DNAH10: variants seen among roughly 807,000 people sequenced by gnomAD.
DNAH10 encodes the protein dynein axonemal heavy chain 10.
DNAH10 carries 348 observed loss-of-function variants against 506.6 expected under a neutral mutation model. The observed-to-expected ratio is 0.69, with a 90% CI of 0.63 to 0.75. The LOEUF (loss-of-function observed/expected upper bound fraction) is 0.75. DNAH10 is among the 30% of genes least tolerant of loss of function. DNAH10 has a pLI of 0.00. For missense variants in DNAH10, 5,179 were observed against 5,787.1 expected (o/e 0.89, Z 3.41); for synonymous variants, 2,059 against 2,198.6 (o/e 0.94, Z 1.78).
At chr12:123,841,568 G>A in intron 30 of DNAH10, 23 bp downstream of exon 30, 3 of 1,599,942 alleles carry the variant, frequency 1.9e-6, no homozygotes, top group Non-Finnish European at 2.6e-6. Flanking sequence ...ATGTGGACAT[G>A]CATTGCTCTA....
intron 64 of DNAH10, among the ~76,000 whole-genome samples, chr12:123,918,170 G>C (rs557657920): frequency 1.1e-4 from 17 of 152,340 alleles, no homozygotes; most frequent in African/African-American, 3.8e-4. Context: ...TTTCTGGGCT[G>C]GGCCTTCTAC....
At position 123,867,957 on chromosome 12, in the gene DNAH10, C is replaced by T. The variant is rs754025173; in HGVS notation, c.7357C>T (p.Leu2453Phe). 1.2e-6 allele frequency: 2 copies of T among 1,613,894 alleles called. No individual in the cohort carries two copies. The highest frequency in any genetic ancestry group is 1.7e-6 in the Non-Finnish European group (2 of 1,179,858). Residue 2453 changes from leucine to phenylalanine, a missense_variant, in exon 43 of 79, where the codon CTT (leucine) becomes TTT (phenylalanine). By Grantham distance (22) the Leu-to-Phe change is conservative. Coordinates refer to ENST00000673944, the MANE Select transcript of DNAH10 (RefSeq NM_001372106.1). ...DALLEGEIED[L>F]DLLECYFLEA... is the part of the protein sequence containing the mutation. Reference sequence around the variant, plus strand: ...GTTGCTAGAAGGAGAAATAGAAGACCTTGACCTGCTGGAGTGCTACTTCCT... The same window carrying T: ...GTTGCTAGAAGGAGAAATAGAAGACTTTGACCTGCTGGAGTGCTACTTCCT...
intron 34 of DNAH10, among the ~76,000 whole-genome samples, chr12:123,849,301 TAAC>T (rs1186410909): frequency 1.3e-5 from 2 of 152,226 alleles, no homozygotes; most frequent in African/African-American, 4.8e-5. Flanking sequence ...TACGGCATCA[TAAC>T]AAGCAGGATT....
At chr12:123,847,220 A>ATCTATCTATCTG (rs1204638114) in intron 32 of DNAH10, among the ~76,000 whole-genome samples, 2 of 37,050 alleles carry the variant, frequency 5.4e-5, no homozygotes. Context: ...CCATCCTATT[A>ATCTATCTATCTG]TCTATCTATC....
chr12:123,934,695 C>T lies in DNAH10; in HGVS notation c.13552C>T (p.Pro4518Ser). 6.2e-7 allele frequency: 1 copy of T among 1,613,826 alleles called. No individual in the cohort carries two copies. Among genetic ancestry groups the T allele is most frequent in the Non-Finnish European group, 8.5e-7 (1 of 1,179,826 alleles). ...AAAAGGATGTCTTATCAAGAGCAAA[C>T]CCAAGGTGCTGGTTGTGGACCTGCC... is the stretch of plus-strand genomic sequence containing the variant. ...IEKGCLIKSKPKVLVVDLPIL... is the reference protein window; with the variant it reads ...IEKGCLIKSKSKVLVVDLPIL... The change falls in exon 78 of 79, where the codon CCC (proline) becomes TCC (serine). Residue 4518 changes from proline (P) to serine (S), a missense_variant. Pro to Ser is a moderately conservative substitution (Grantham distance 74). Around this residue, in one of 3 missense-constraint regions of DNAH10, gnomAD observed 4,844 missense variants for 5,430.5 expected, o/e 0.89. Transcript: ENST00000673944.
chr12:123,781,945 C>G (rs528992278), intron 6 of DNAH10, among the ~76,000 whole-genome samples: 15 of 152,068 alleles, frequency 9.9e-5, no homozygotes, highest in Non-Finnish European at 1.8e-4. Context: ...GGAATTTTTT[C>G]CATTGATTTT....
intron 5 of DNAH10, among the ~76,000 whole-genome samples, chr12:123,776,730 G>T (rs1303028408): frequency 1.3e-5 from 2 of 152,048 alleles, no homozygotes; most frequent in Admixed American, 6.6e-5. Context: ...AAATCAAGAC[G>T]TGAAGCAGGA....
Position 123,914,694 on chromosome 12 carries a change from G to A in DNAH10, c.10574+144G>A, listed in dbSNP as rs1954386637. 2.2e-6 allele frequency: 3 copies of A among 1,390,854 alleles called. 1 individual carries two copies. In the South Asian group the frequency reaches 4.3e-5, roughly 20 times the overall value. 86.2% of individuals were successfully genotyped at this position (1,390,854 alleles called of 1,614,324 possible). A position where few individuals can be genotyped will look rare whatever the true frequency, so the allele number is the denominator to read the frequency against. On this transcript the variant is annotated intron_variant, in intron 61 of 78. Transcript: ENST00000673944. ...CGACTGCATGGAAGTGGCCGGGCAA[G>A]CTGCAAACCCAGCACGGAGCCCTTC...
At chr12:123,796,596 T>A in intron 12 of DNAH10, 60 bp from the exon 13 acceptor site, 1 of 1,471,252 alleles carries the variant, frequency 6.8e-7, no homozygotes, top group South Asian at 1.4e-5. Flanking sequence ...TCAAATCTCA[T>A]CTTTCTTGGC....
Position 123,784,003 on chromosome 12 carries a change from T to G in DNAH10, c.1056T>G (p.Ser352Arg). Residue 352 changes from serine (S) to arginine (R), a missense_variant, in exon 8 of 79, where the codon AGT (serine) becomes AGG (arginine). Coordinates refer to ENST00000673944, the MANE Select transcript of DNAH10 (RefSeq NM_001372106.1). ...GGAGGGAAAGAAATGCAACCTTAAG[T>G]GCGCTGCATGAACAAACAAAGCTTC... The part of the protein sequence containing the change: ...EFWRERNATL[S>R]ALHEQTKLPI... The G allele has an allele frequency of 6.2e-7, 1 of 1,614,228 alleles. No homozygotes were observed. Among genetic ancestry groups the G allele is most frequent in the South Asian group, 1.1e-5 (1 of 91,088 alleles).
intron 42 of DNAH10, 130 bp downstream of exon 42, chr12:123,867,731 C>A: frequency 7.0e-7 from 1 of 1,418,446 alleles, no homozygotes; most frequent in Non-Finnish European, 9.5e-7. Context: ...CCAAGGCGGG[C>A]GCCGTGCTTG....
intron 46 of DNAH10, among the ~76,000 whole-genome samples, chr12:123,874,823 C>A (rs975848976): frequency 6.6e-6 from 1 of 152,164 alleles, no homozygotes; most frequent in African/African-American, 2.4e-5. Context: ...GCATATCACA[C>A]CCCCTGGGTG....
intron 76 of DNAH10, among the ~76,000 whole-genome samples, chr12:123,932,331 A>G (rs1428865880): frequency 6.6e-6 from 1 of 152,092 alleles, no homozygotes; most frequent in African/African-American, 2.4e-5. Flanking sequence ...CGATTATTTT[A>G]TCTAAGTGTA....
chr12:123,779,306 G>A (rs986968890), intron 5 of DNAH10, among the ~76,000 whole-genome samples: 1 of 152,048 alleles, frequency 6.6e-6, no homozygotes, highest in African/African-American at 2.4e-5. Context: ...CTCTCAAAGT[G>A]CTGGATTACA....
At chr12:123,770,864 G>A (rs1593966545) in intron 2 of DNAH10, among the ~76,000 whole-genome samples, 1 of 152,104 alleles carries the variant, frequency 6.6e-6, no homozygotes, top group East Asian at 1.9e-4. Flanking sequence ...CAATCAGAGT[G>A]GACTTGAGAC....
intron 16 of DNAH10, among the ~76,000 whole-genome samples, chr12:123,802,219 G>A (rs75873028): frequency 0.059 from 8,912 of 152,278 alleles, 384 homozygotes; most frequent in Non-Finnish European, 0.086. Flanking sequence ...AGGGTTTTGT[G>A]TGACAGGAGT....
intron 5 of DNAH10, 78 bp downstream of exon 5, chr12:123,774,342 G>A: frequency 9.2e-7 from 1 of 1,082,018 alleles, no homozygotes; most frequent in Non-Finnish European, 1.3e-6. Context: ...CAAATAGGTA[G>A]CGGGCAGCTC....
At position 123,928,669 on chromosome 12, in the gene DNAH10, C is replaced by G. The variant is rs149948798; in HGVS notation, c.12306+82C>G. 25 of 1,446,752 alleles carry G rather than the reference C, an allele frequency of 1.7e-5. No homozygotes were observed. Among genetic ancestry groups the G allele is most frequent in the Non-Finnish European group, 2.0e-5 (22 of 1,077,210 alleles). 89.6% of individuals were successfully genotyped at this position (1,446,752 alleles called of 1,614,324 possible). A position where few individuals can be genotyped will look rare whatever the true frequency, so the allele number is the denominator to read the frequency against. On this transcript the variant is annotated intron_variant, in intron 70 of 78. Coordinates refer to ENST00000673944, the MANE Select transcript of DNAH10 (RefSeq NM_001372106.1). The surrounding 1 kb of genome is among the most constrained non-coding windows in gnomAD (Gnocchi z 4.9). ...ATGCTGCTCTGGGGCCGGGGTGTGC[C>G]TTTGTCTGTGTAGAAATAAACCTTA...
chr12:123,844,930 G>A lies in DNAH10; in HGVS notation c.5361-670G>A, dbSNP rs1452335467. On this transcript the variant is annotated intron_variant, in intron 30 of 78. Coordinates refer to ENST00000673944, the MANE Select transcript of DNAH10 (RefSeq NM_001372106.1). ...GCTGGGATTACAGGTGTGAGCCACC[G>A]TGCCCAGCCTGGAATATTGTTTTAC... Among the ~76,000 whole-genome samples the A allele has an allele frequency of 4.6e-5, 7 of 152,070 alleles. No homozygotes were observed. The South Asian group carries it at 1.0e-3, about 23-fold the overall frequency.
Sources: allele counts gnomAD v4.1 joint callset (sites outside exome capture counted in the v4.1 genomes callset), GRCh38; gene constraint gnomAD v4.1.1; regional missense constraint gnomAD v4.1.1; non-coding constraint Gnocchi (gnomAD v3.1); transcripts MANE v1.5; gene names NCBI Gene and HGNC (gene_info 2026-07-23, HGNC 2026-07-21).